Variants in ABHD2 observed in about 807,000 individuals in gnomAD.
ABHD2 encodes the protein abhydrolase domain containing 2, acylglycerol lipase, also known as monoacylglycerol lipase ABHD2.
Under a neutral mutation model 48.1 loss-of-function variants are expected in ABHD2, and 20 were observed. The observed-to-expected ratio is 0.42, with a 90% CI of 0.29 to 0.60. The LOEUF is 0.60. Among genes scored for constraint, ABHD2 ranks in the 20% least tolerant of loss-of-function variants. The pLI, the probability that ABHD2 is intolerant of heterozygous loss-of-function variation, is 0.24. For synonymous variants in ABHD2, 209 were observed against 214.2 expected, an observed-to-expected ratio of 0.98 and a Z score of 0.21; for missense variants, 405 against 550.9, an observed-to-expected ratio of 0.74 and a Z score of 2.65.
At chr15:89,059,286 T>C in the ABHD2 span, among the ~76,000 whole-genome samples, 1 of 152,104 alleles carries the variant, frequency 6.6e-6, no homozygotes, top group East Asian at 1.9e-4. Context: ...CCCACTCACA[T>C]CCTCACAAAA....
Position 89,195,569 on chromosome 15 carries a change from G to A in ABHD2, c.*146G>A, listed in dbSNP as rs968860833. ...GGCACCCACCATGCACACCTGTCTC[G>A]GAGTAGGCAGCTCTTCCTGGGAGCT... On this transcript the variant is annotated 3_prime_UTR_variant, in exon 11 of 11. Coordinates refer to ENST00000352732, the MANE Select transcript of ABHD2 (RefSeq NM_152924.5). The surrounding 1 kb of genome is among the most constrained non-coding windows in gnomAD (Gnocchi z 5.1). 2.1e-5 allele frequency: 17 copies of A among 802,204 alleles called. No homozygotes were observed. The highest frequency in any genetic ancestry group is 7.6e-4 in the Middle Eastern group (2 of 2,644). The allele number at this position is 802,204 out of a possible 1,614,324, so 49.7% of individuals were successfully genotyped here.
At chr15:89,055,323 C>CTTTTTT in the ABHD2 span, among the ~76,000 whole-genome samples, 2 of 124,792 alleles carry the variant, frequency 1.6e-5, no homozygotes, top group Non-Finnish European at 1.7e-5. Flanking sequence ...ACACTAGTTT[C>CTTTTTT]TTTTTTTTTT....
chr15:89,170,080 CTTTTTTTT>C (rs748983183), intron 5 of ABHD2, among the ~76,000 whole-genome samples: 13 of 37,502 alleles, frequency 3.5e-4, no homozygotes, highest in Non-Finnish European at 5.4e-4. Context: ...AGATCAGATT[CTTTTTTTT>C]TTTTTTTTTT....
At chr15:89,050,399 C>T in the ABHD2 span, among the ~76,000 whole-genome samples, 2,717 of 152,196 alleles carry the variant, frequency 0.018, 76 homozygotes, top group African/African-American at 0.06. Context: ...GATTCCAGAC[C>T]CAGAGAACAA....
intron 3 of ABHD2, among the ~76,000 whole-genome samples, chr15:89,124,642 C>T (rs1281150425): frequency 2.0e-5 from 3 of 152,164 alleles, no homozygotes; most frequent in Non-Finnish European, 4.4e-5. Context: ...ATTCCATCGA[C>T]CTGATTTTAT....
At chr15:89,135,149 T>TTTTC (rs2050285166) in intron 3 of ABHD2, among the ~76,000 whole-genome samples, 1 of 149,172 alleles carries the variant, frequency 6.7e-6, no homozygotes, top group African/African-American at 2.4e-5. Flanking sequence ...TTTTCTTTTT[T>TTTTC]TTTTTTTTTT....
rs768938542 is a variant in ABHD2 at position 89,155,278 on chromosome 15, C to CTTGTT, written c.371-86_371-82dup. 71 of 1,425,208 alleles carry CTTGTT rather than the reference C, an allele frequency of 5.0e-5. No individual in the cohort carries two copies. Among genetic ancestry groups the CTTGTT allele is most frequent in the Non-Finnish European group, 6.7e-5 (69 of 1,037,170 alleles). The allele number at this position is 1,425,208 out of a possible 1,614,324, so 88.3% of individuals were successfully genotyped here. On this transcript the variant is annotated intron_variant, in intron 4 of 10. Coordinates refer to ENST00000352732, the MANE Select transcript of ABHD2 (RefSeq NM_152924.5). This position sits in a 1 kb window ranked among gnomAD's most constrained non-coding sequence, Gnocchi z 4.9. ...AAAGATGTATGTTGAATTCCCTCCCCTTGTTTTCTAGACCAGTGAAGTGTA... is the reference window on the plus strand; with the variant it reads ...AAAGATGTATGTTGAATTCCCTCCCCTTGTTTTGTTTTCTAGACCAGTGAAGTGTA...
In ABHD2 at chr15:89,177,193, A is replaced by T. The variant is rs1008188112; in HGVS notation, c.722+1198A>T. Among the ~76,000 whole-genome samples the T allele has an allele frequency of 3.3e-5, 5 of 152,214 alleles. No homozygotes were observed. The highest frequency in any genetic ancestry group is 1.2e-4 in the African/African-American group (5 of 41,446). On this transcript the variant is annotated intron_variant, in intron 6 of 10. Transcript: ENST00000352732. The surrounding 1 kb of genome is among the most constrained non-coding windows in gnomAD (Gnocchi z 5.6). ...CCGTGCCGGCAATATGGGGATGATG[A>T]TGATAAGCAGTACCTACCTCATAGC... is the stretch of plus-strand genomic sequence containing the variant.
chr15:89,121,444 C>T (rs1288004219), intron 3 of ABHD2, among the ~76,000 whole-genome samples: 1 of 150,986 alleles, frequency 6.6e-6, no homozygotes, highest in South Asian at 2.1e-4. Flanking sequence ...CAGGCTGGCA[C>T]TGTCTCCCTT....
rs973374138 is a variant in ABHD2, at chr15:89,166,086, A to G, written c.539-9726A>G. Among the ~76,000 whole-genome samples, 1 of 152,246 alleles carries G rather than the reference A, an allele frequency of 6.6e-6. No individual in the cohort carries two copies. The highest frequency in any genetic ancestry group is 6.5e-5 in the Admixed American group (1 of 15,280). ...ACCAGAAAATCAAGAGCCAAGTAACAAAGGATCTTATTAGTTTGATCTTGA... is the reference window on the plus strand; with the variant it reads ...ACCAGAAAATCAAGAGCCAAGTAACGAAGGATCTTATTAGTTTGATCTTGA... On this transcript the variant is annotated intron_variant, in intron 5 of 10. Transcript: ENST00000352732. The surrounding 1 kb of genome is among the most constrained non-coding windows in gnomAD (Gnocchi z 4.6).
rs1901586536 is a variant in ABHD2, at chr15:89,091,245, C to T, written c.-107+2682C>T. On this transcript the variant is annotated intron_variant, in intron 1 of 10. Transcript: ENST00000352732. The surrounding 1 kb of genome is among the most constrained non-coding windows in gnomAD (Gnocchi z 5.5). ...GCCACTTTCATTTTTTGCAGGAATCCAGTCACCTTTGATTTTCTCTTCTGT... is the reference window on the plus strand; with the variant it reads ...GCCACTTTCATTTTTTGCAGGAATCTAGTCACCTTTGATTTTCTCTTCTGT... 6.6e-6 allele frequency among the ~76,000 whole-genome samples: 1 copy of T among 152,128 alleles called. No homozygotes were observed. Among genetic ancestry groups the T allele is most frequent in the African/African-American group, 2.4e-5 (1 of 41,428 alleles).
chr15:89,170,562 G>T (rs78043914), intron 5 of ABHD2, among the ~76,000 whole-genome samples: 8,214 of 152,042 alleles, frequency 0.054, 767 homozygotes, highest in African/African-American at 0.19. Flanking sequence ...GTCCCCAAAG[G>T]CAGAATTACT....
In ABHD2 at chr15:89,186,289, C is replaced by A. The variant is rs1027830639; in HGVS notation, c.815+773C>A. Among the ~76,000 whole-genome samples, 6 of 152,182 alleles carry A rather than the reference C, an allele frequency of 3.9e-5. No individual in the cohort carries two copies. The highest frequency in any genetic ancestry group is 9.7e-5 in the African/African-American group (4 of 41,442). ...TCTTCATGCTTGTCCTGCCTCTCCG[C>A]CTCGTAATCCTGTGGTGGGTTAACC... On this transcript the variant is annotated intron_variant, in intron 7 of 10. Coordinates refer to ENST00000352732, the MANE Select transcript of ABHD2 (RefSeq NM_152924.5). This position sits in a 1 kb window ranked among gnomAD's most constrained non-coding sequence, Gnocchi z 4.3.
chr15:89,094,316 T>A lies in ABHD2; in HGVS notation c.-107+5753T>A, dbSNP rs1198961627. 1 of 152,196 alleles carries A rather than the reference T, an allele frequency of 6.6e-6. No homozygotes were observed. Among genetic ancestry groups the A allele is most frequent in the Non-Finnish European group, 1.5e-5 (1 of 68,012 alleles). The allele number at this position is 152,196 out of a possible 1,614,324, so 9.4% of individuals were successfully genotyped here. ...CCTATGTGTACAGTCACTGTAGGCATGTATTTGTGTACTGTTTACTTAGTC... is the reference window on the plus strand; with the variant it reads ...CCTATGTGTACAGTCACTGTAGGCAAGTATTTGTGTACTGTTTACTTAGTC... On this transcript the variant is annotated intron_variant, in intron 1 of 10. Transcript: ENST00000352732. The surrounding 1 kb of genome is among the most constrained non-coding windows in gnomAD (Gnocchi z 4.7).
chr15:89,041,568 G>A, the ABHD2 span, among the ~76,000 whole-genome samples: 1 of 152,144 alleles, frequency 6.6e-6, no homozygotes, highest in Non-Finnish European at 1.5e-5. Flanking sequence ...GTGTGAATCC[G>A]GCCTTGGCTA....
chr15:89,080,570 G>C, the ABHD2 span, among the ~76,000 whole-genome samples: 5 of 152,170 alleles, frequency 3.3e-5, no homozygotes, highest in South Asian at 1.0e-3. Context: ...AGCAATTCAT[G>C]CCTCCAGGGC....
intron 3 of ABHD2, among the ~76,000 whole-genome samples, chr15:89,128,209 T>G (rs2050166363): frequency 6.6e-6 from 1 of 152,238 alleles, no homozygotes. Context: ...TGTGGTGGCT[T>G]GACTGATGAG....
intron 1 of ABHD2, among the ~76,000 whole-genome samples, chr15:89,109,117 T>G (rs1052903966): frequency 4.6e-5 from 7 of 152,326 alleles, no homozygotes; most frequent in Non-Finnish European, 8.8e-5. Context: ...CAGTGGCAGT[T>G]TCTCACTCTA....
At chr15:89,086,654 C>T (rs550032048), upstream of ABHD2, among the ~76,000 whole-genome samples, 58 of 152,320 alleles carry the variant, frequency 3.8e-4, no homozygotes, top group African/African-American at 1.4e-3. Flanking sequence ...GGCTCCGCCT[C>T]AGCTTCCCAA....
Sources: gnomAD v4.1 joint callset for allele counts (sites outside exome capture counted in the v4.1 genomes callset) on GRCh38, gnomAD v4.1.1 for gene constraint, Gnocchi (gnomAD v3.1) non-coding constraint, MANE v1.5 for transcripts, NCBI Gene and HGNC (gene_info 2026-07-23, HGNC 2026-07-21) for gene names.